EML4: variants seen among roughly 807,000 people sequenced by gnomAD.
EML4 encodes echinoderm microtubule-associated protein-like 4.
EML4 carries 72 observed loss-of-function variants against 129.0 expected under a neutral mutation model. The ratio of observed to expected loss-of-function variants is 0.56; its 90% CI spans 0.46 to 0.68. EML4 has a LOEUF of 0.68. Ranked by LOEUF, EML4 falls within the 30% of genes least tolerant of loss-of-function variation. EML4 has a pLI of 0.00. For missense variants in EML4, 1,363 were observed against 1,190.6 expected (o/e 1.14, Z -2.13); for synonymous variants, 532 against 405.0 (o/e 1.31, Z -3.77).
intron 1 of EML4, among the ~76,000 whole-genome samples, chr2:42,178,871 C>A (rs1053411957): frequency 1.3e-5 from 2 of 152,144 alleles, no homozygotes; most frequent in African/African-American, 4.8e-5. Context: ...AAGTTGAAAT[C>A]TATTTAACTT....
intron 1 of EML4, among the ~76,000 whole-genome samples, chr2:42,208,677 C>T (rs1337802205): frequency 6.6e-6 from 1 of 152,010 alleles, no homozygotes; most frequent in East Asian, 1.9e-4. Context: ...TCATGATCCA[C>T]CCTCCTTGGC....
chr2:42,331,186 A>T lies in EML4; in HGVS notation c.*979A>T, dbSNP rs1670082791. 4.6e-6 allele frequency: 1 copy of T among 219,290 alleles called. No individual in the cohort carries two copies. Among genetic ancestry groups the T allele is most frequent in the Non-Finnish European group, 9.2e-6 (1 of 109,168 alleles). 13.6% of individuals were successfully genotyped at this position (219,290 alleles called of 1,614,324 possible). Reference sequence around the variant, plus strand: ...GCTTGAAATTTATTGGTTTTGTTGTAATTTTATACAGATTATATGAGGGAT... The same window carrying T: ...GCTTGAAATTTATTGGTTTTGTTGTTATTTTATACAGATTATATGAGGGAT... On this transcript the variant is annotated 3_prime_UTR_variant, in exon 23 of 23. Transcript: ENST00000318522.
chr2:42,169,945 T>C (rs982168353), intron 1 of EML4: 39 of 328,762 alleles, frequency 1.2e-4, no homozygotes, highest in Non-Finnish European at 5.6e-6. Flanking sequence ...CCCCTCCCCG[T>C]ACACTCACGG....
intron 19 of EML4, among the ~76,000 whole-genome samples, chr2:42,321,795 G>A (rs62142599): frequency 0.2 from 30,071 of 152,020 alleles, 3,670 homozygotes; most frequent in African/African-American, 0.35. Flanking sequence ...ACCAGCAAAC[G>A]CATATCAAAA....
chr2:42,295,856 G>C (rs1054176073), intron 13 of EML4, among the ~76,000 whole-genome samples: 1 of 152,146 alleles, frequency 6.6e-6, no homozygotes, highest in Non-Finnish European at 1.5e-5. Context: ...AGAATGCATG[G>C]CCATGTGATA....
chr2:42,270,379 CA>C (rs1287052746), intron 6 of EML4, among the ~76,000 whole-genome samples: 2 of 152,110 alleles, frequency 1.3e-5, no homozygotes, highest in African/African-American at 4.8e-5. Flanking sequence ...GGCAACATGG[CA>C]AAACCCCATC....
intron 19 of EML4, 54 bp downstream of exon 19, chr2:42,317,578 T>TA: frequency 3.1e-6 from 4 of 1,270,954 alleles, no homozygotes; most frequent in Non-Finnish European, 4.5e-6. Flanking sequence ...TTACTTCCGT[T>TA]AAAAACAAAT....
intron 1 of EML4, among the ~76,000 whole-genome samples, chr2:42,229,094 A>G (rs1674160782): frequency 6.6e-6 from 1 of 152,132 alleles, no homozygotes; most frequent in South Asian, 2.1e-4. Flanking sequence ...CCTGACTGCA[A>G]ATGTTACTCA....
rs762963611 is a variant in EML4 at position 42,330,517 on chromosome 2, G to T, written c.*310G>T. On this transcript the variant is annotated 3_prime_UTR_variant, in exon 23 of 23. Transcript: ENST00000318522. ...TGGAAACAAAAACAGCAGTTGCATT[G>T]ATTTTGAAAACAAACCCCCTTGTTA... The T allele has an allele frequency of 8.4e-6, 4 of 474,862 alleles. No individual in the cohort carries two copies. Among genetic ancestry groups the T allele is most frequent in the Non-Finnish European group, 1.5e-5 (4 of 258,342 alleles). 29.4% of individuals were successfully genotyped at this position (474,862 alleles called of 1,614,324 possible). A position where few individuals can be genotyped will look rare whatever the true frequency, so the allele number is the denominator to read the frequency against.
At chr2:42,294,532 T>C (rs1232037548) in intron 11 of EML4, among the ~76,000 whole-genome samples, 2 of 152,190 alleles carry the variant, frequency 1.3e-5, no homozygotes, top group East Asian at 3.9e-4. Context: ...CATGTCTCTA[T>C]TGAAAATACA....
rs1376447004 is a variant in EML4, at chr2:42,285,711, G to A, written c.1012-558G>A. On this transcript the variant is annotated intron_variant, in intron 9 of 22. Coordinates refer to ENST00000318522, the MANE Select transcript of EML4 (RefSeq NM_019063.5). ...TCTCCCAGGTTCAAGCAATTCACCT[G>A]CCTCAGCCTCCTGAGTAGCTGTGAC... 2.6e-5 allele frequency among the ~76,000 whole-genome samples: 4 copies of A among 151,284 alleles called. No individual in the cohort carries two copies. In the East Asian group the frequency reaches 7.8e-4, roughly 29 times the overall value.
In EML4 at chr2:42,303,114, A is replaced by G. The variant is rs1354072443; in HGVS notation, c.1652A>G (p.Gln551Arg). The G allele has an allele frequency of 1.9e-6, 3 of 1,613,838 alleles. No individual in the cohort carries two copies. The Admixed American group carries it at 5.0e-5, about 27-fold the overall frequency. ...NPEREIEVPD[Q>R]YGTIRAVAEG... ...CACTTTTTTTTCTAGGTTCCTGATCAGTATGGCACAATCAGAGCTGTAGCA... is the reference window on the plus strand; with the variant it reads ...CACTTTTTTTTCTAGGTTCCTGATCGGTATGGCACAATCAGAGCTGTAGCA... Residue 551 changes from glutamine to arginine, a missense_variant, in exon 15 of 23, where the codon CAG becomes CGG. Transcript: ENST00000318522.
In EML4 at chr2:42,330,619, CTTT is replaced by C. The variant is rs553903131; in HGVS notation, c.*426_*428del. ...TCATCTACTGGCTCAGACTGTACTA[CTTT>C]TTTTTTTTTTTTTCCTGAAAAAGAA... is the stretch of plus-strand genomic sequence containing the variant. On this transcript the variant is annotated 3_prime_UTR_variant, in exon 23 of 23. Coordinates refer to ENST00000318522, the MANE Select transcript of EML4 (RefSeq NM_019063.5). The C allele has an allele frequency of 2.0e-3, 414 of 205,740 alleles. No individual in the cohort carries two copies. Among genetic ancestry groups the C allele is most frequent in the South Asian group, 4.0e-3 (35 of 8,664 alleles). 12.7% of individuals were successfully genotyped at this position (205,740 alleles called of 1,614,324 possible). A position where few individuals can be genotyped will look rare whatever the true frequency, so the allele number is the denominator to read the frequency against.
intron 1 of EML4, among the ~76,000 whole-genome samples, chr2:42,178,842 G>C (rs1670769047): frequency 6.6e-6 from 1 of 152,176 alleles, no homozygotes; most frequent in African/African-American, 2.4e-5. Flanking sequence ...ACACCTAAGG[G>C]ATCTGGGAGT....
At chr2:42,234,736 T>G (rs982251178) in intron 1 of EML4, among the ~76,000 whole-genome samples, 1 of 152,262 alleles carries the variant, frequency 6.6e-6, no homozygotes, top group Non-Finnish European at 1.5e-5. Flanking sequence ...AAGATGGTCA[T>G]GTATATAAAA....
chr2:42,228,170 A>G (rs1183443644), intron 1 of EML4, among the ~76,000 whole-genome samples: 1 of 152,084 alleles, frequency 6.6e-6, no homozygotes, highest in Admixed American at 6.5e-5. Flanking sequence ...GCAGTGAGCC[A>G]AGATTATGCC....
Position 42,262,814 on chromosome 2 carries a change from T to C in EML4, c.513-364T>C, listed in dbSNP as rs557855091. On this transcript the variant is annotated intron_variant, in intron 4 of 22. Coordinates refer to ENST00000318522, the MANE Select transcript of EML4 (RefSeq NM_019063.5). ...GACATAATTGCACAAAAAATGAAAA[T>C]GGCAGCCTTATAAAATTCAATGGCT... is the stretch of plus-strand genomic sequence containing the variant. 1.1e-4 allele frequency among the ~76,000 whole-genome samples: 17 copies of C among 152,250 alleles called. No homozygotes were observed. In the South Asian group the frequency reaches 3.3e-3, roughly 30 times the overall value.
intron 1 of EML4, among the ~76,000 whole-genome samples, chr2:42,212,154 CA>C (rs1238625413): frequency 6.6e-6 from 1 of 152,116 alleles, no homozygotes; most frequent in East Asian, 1.9e-4. Flanking sequence ...TCCCCACTTT[CA>C]AATTGTATGT....
rs957125790 is a variant in EML4 at position 42,188,395 on chromosome 2, A to AT, written c.25+18766dup. ...ACCACCATGCCTGGCTAATTTTTGT[A>AT]TTTTTTTGTTGAGAAGGGTTTTTGC... On this transcript the variant is annotated intron_variant, in intron 1 of 22. Coordinates refer to ENST00000318522, the MANE Select transcript of EML4 (RefSeq NM_019063.5). 2.7e-5 allele frequency among the ~76,000 whole-genome samples: 4 copies of AT among 145,630 alleles called. No individual in the cohort carries two copies. In the South Asian group the frequency reaches 6.6e-4, roughly 24 times the overall value.
Sources: allele counts gnomAD v4.1 joint callset (sites outside exome capture counted in the v4.1 genomes callset), GRCh38; gene constraint gnomAD v4.1.1; transcripts MANE v1.5; gene names NCBI Gene and HGNC (gene_info 2026-07-23, HGNC 2026-07-21).